CDKL2: variants seen among roughly 807,000 people sequenced by gnomAD.
CDKL2 encodes cyclin dependent kinase like 2, also known as cyclin-dependent kinase-like 2.
CDKL2 carries 64 observed loss-of-function variants against 63.9 expected under a neutral mutation model. The ratio of observed to expected loss-of-function variants is 1.00; its 90% confidence interval spans 0.82 to 1.23. The LOEUF (loss-of-function observed/expected upper bound fraction) is 1.23, where lower values mean the gene tolerates loss of function less well. CDKL2 is among the 50% of genes most tolerant of loss of function. The pLI is 0.00. For missense variants in CDKL2, 656 were observed against 668.0 expected, an observed-to-expected ratio of 0.98 and a Z score of 0.20; for synonymous variants, 211 against 229.2, an observed-to-expected ratio of 0.92 and a Z score of 0.72.
intron 3 of CDKL2, among the ~76,000 whole-genome samples, chr4:75,609,855 A>T (rs1729605696): frequency 6.6e-6 from 1 of 151,946 alleles, no homozygotes; most frequent in Admixed American, 6.6e-5. Context: ...ATTACCCTAG[A>T]TATCAGTGAT....
chr4:75,603,713 A>C (rs1002977280), intron 6 of CDKL2, 104 bp downstream of exon 6: 6,301 of 122,836 alleles, frequency 0.051, 20 homozygotes, highest in Non-Finnish European at 0.068. Flanking sequence ...AGACTCCATC[A>C]AAAAAAAAAA....
chr4:75,626,539 C>A (rs1459936892), intron 1 of CDKL2, among the ~76,000 whole-genome samples: 1 of 152,012 alleles, frequency 6.6e-6, no homozygotes, highest in Non-Finnish European at 1.5e-5. Flanking sequence ...TGGTGGCAGG[C>A]GCCTGTAGTC....
At chr4:75,595,122 T>C (rs1728858807) in intron 10 of CDKL2, among the ~76,000 whole-genome samples, 1 of 152,140 alleles carries the variant, frequency 6.6e-6, no homozygotes, top group African/African-American at 2.4e-5. Context: ...AAAAGAAAGA[T>C]TGACTTATTT....
chr4:75,601,854 C>T (rs574054538), intron 6 of CDKL2, among the ~76,000 whole-genome samples: 129 of 152,156 alleles, frequency 8.5e-4, no homozygotes, highest in African/African-American at 2.7e-3. Context: ...GCTTATTAAA[C>T]GTCATGAGTT....
Position 75,577,278 on chromosome 4 carries a change from T to C in CDKL2, c.*1924A>G, listed in dbSNP as rs1728063814. ...AAAAAAGGATCATTTTGGTTCAATA[T>C]CTATTATTGTTGATTATGTAATCTT... On this transcript the variant is annotated 3_prime_UTR_variant, in exon 14 of 14. Transcript: ENST00000307465. Among the ~76,000 whole-genome samples the C allele has an allele frequency of 1.3e-5, 2 of 152,162 alleles. No homozygotes were observed. The highest frequency in any genetic ancestry group is 2.9e-5 in the Non-Finnish European group (2 of 68,030).
rs1453927127 is a variant in CDKL2, at chr4:75,577,801, C to CTA, written c.*1399_*1400dup. On this transcript the variant is annotated 3_prime_UTR_variant, in exon 14 of 14. Coordinates refer to ENST00000307465, the MANE Select transcript of CDKL2 (RefSeq NM_001330724.2). ...AGACCAATTTTAATTTAACCACCAC[C>CTA]TATAGACTTGTACATTGAAACCCCT... 6.6e-6 allele frequency among the ~76,000 whole-genome samples: 1 copy of CTA among 152,122 alleles called. No individual in the cohort carries two copies. The highest frequency in any genetic ancestry group is 1.5e-5 in the Non-Finnish European group (1 of 68,012).
chr4:75,621,906 T>G (rs1398685493), intron 2 of CDKL2, among the ~76,000 whole-genome samples: 1 of 152,202 alleles, frequency 6.6e-6, no homozygotes, highest in Non-Finnish European at 1.5e-5. Context: ...TCCTAATAAC[T>G]GCTGACTGTG....
intron 3 of CDKL2, among the ~76,000 whole-genome samples, chr4:75,610,495 G>T (rs977312116): frequency 6.6e-6 from 1 of 152,020 alleles, no homozygotes; most frequent in Non-Finnish European, 1.5e-5. Context: ...TATGAAAAGG[G>T]TAGGCTCTGA....
chr4:75,591,374 T>A (rs1482875193), intron 12 of CDKL2, among the ~76,000 whole-genome samples: 1 of 152,166 alleles, frequency 6.6e-6, no homozygotes, highest in Non-Finnish European at 1.5e-5. Context: ...AGCAGAAGGA[T>A]CGCTTGAGGC....
At chr4:75,605,888 C>T (rs1343788012) in intron 4 of CDKL2, among the ~76,000 whole-genome samples, 1 of 151,886 alleles carries the variant, frequency 6.6e-6, no homozygotes, top group Non-Finnish European at 1.5e-5. Context: ...CTATAGTAAG[C>T]CTTAAATTAC....
In CDKL2 at chr4:75,629,954, A is replaced by G. The variant is rs1262519633; in HGVS notation, c.-30+88T>C. On this transcript the variant is annotated intron_variant, in intron 1 of 13. Coordinates refer to ENST00000307465, the MANE Select transcript of CDKL2 (RefSeq NM_001330724.2). ...ACTCCGTCTCAAAAAAAAAAAAAAA[A>G]AAAAAAAAAAAAAAAAAAAAAAAAG... 2.6e-3 allele frequency: 146 copies of G among 56,280 alleles called. 1 individual carries two copies. Among genetic ancestry groups the G allele is most frequent in the African/African-American group, 0.015 (143 of 9,230 alleles). The allele number at this position is 56,280 out of a possible 1,614,324, so 3.5% of individuals were successfully genotyped here.
intron 2 of CDKL2, 47 bp downstream of exon 2, chr4:75,625,774 A>C (rs985355460): frequency 4.9e-6 from 7 of 1,422,672 alleles, no homozygotes; most frequent in Admixed American, 4.3e-5. Flanking sequence ...TTGCCAAAAA[A>C]GAAACTTATA....
chr4:75,623,254 G>A (rs779953226), intron 2 of CDKL2, among the ~76,000 whole-genome samples: 5 of 152,108 alleles, frequency 3.3e-5, no homozygotes, highest in South Asian at 2.1e-4. Flanking sequence ...ACTGCAGCCC[G>A]GGTGATACAG....
chr4:75,588,309 C>T lies in CDKL2; in HGVS notation c.1647+3510G>A, dbSNP rs753241342. Reference sequence around the variant, plus strand: ...GTGAATTCCATTAATATTCAAGGAACAAATAACACCAACTTATTAAACTTT... The same window carrying T: ...GTGAATTCCATTAATATTCAAGGAATAAATAACACCAACTTATTAAACTTT... On this transcript the variant is annotated intron_variant, in intron 12 of 13. Transcript: ENST00000307465. 2.0e-5 allele frequency among the ~76,000 whole-genome samples: 3 copies of T among 151,468 alleles called. No individual in the cohort carries two copies. In the South Asian group the frequency reaches 6.2e-4, roughly 32 times the overall value.
In CDKL2 at chr4:75,627,720, A is replaced by ACTTCT. The variant is rs146233542; in HGVS notation, c.-29-1704_-29-1703insAGAAG. On this transcript the variant is annotated intron_variant, in intron 1 of 13. Coordinates refer to ENST00000307465, the MANE Select transcript of CDKL2 (RefSeq NM_001330724.2). ...CATCTTTCATAAAATATTTTTCTTT[A>ACTTCT]CTTTTTTTTTCTTTTTTTTTTTTTT... 3.0e-4 allele frequency among the ~76,000 whole-genome samples: 40 copies of ACTTCT among 133,224 alleles called. 1 individual carries two copies. The highest frequency in any genetic ancestry group is 1.0e-3 in the African/African-American group (38 of 36,340). The allele number at this position is 133,224 out of a possible 152,430, so 87.4% of individuals were successfully genotyped here.
Position 75,591,936 on chromosome 4 carries a change from A to G in CDKL2, c.1541-11T>C. ...GCCTGGAATTTCGAGCTAGATAGAAATGACCATAAACACAGTGAAAATATT... is the reference window on the plus strand; with the variant it reads ...GCCTGGAATTTCGAGCTAGATAGAAGTGACCATAAACACAGTGAAAATATT... On this transcript the variant is annotated splice_polypyrimidine_tract_variant and intron_variant, in intron 11 of 13. Coordinates refer to ENST00000307465, the MANE Select transcript of CDKL2 (RefSeq NM_001330724.2). The G allele has an allele frequency of 6.6e-7, 1 of 1,525,702 alleles. No individual in the cohort carries two copies. The highest frequency in any genetic ancestry group is 1.2e-5 in the South Asian group (1 of 83,828). The allele number at this position is 1,525,702 out of a possible 1,614,324, so 94.5% of individuals were successfully genotyped here.
In CDKL2 at chr4:75,605,325, C is replaced by T. The variant is rs183270538; in HGVS notation, c.655+197G>A. On this transcript the variant is annotated intron_variant, in intron 5 of 13. Transcript: ENST00000307465. Reference sequence around the variant, plus strand: ...CCGAGATTGCGCCATTGCACTCTAGCCTGGGCAAGGAGAGCGAAACTCCAT... The same window carrying T: ...CCGAGATTGCGCCATTGCACTCTAGTCTGGGCAAGGAGAGCGAAACTCCAT... 1.1e-4 allele frequency among the ~76,000 whole-genome samples: 16 copies of T among 151,830 alleles called. No homozygotes were observed. The East Asian group carries it at 2.7e-3, about 26-fold the overall frequency.
At chr4:75,600,214 T>C in intron 7 of CDKL2, 67 bp downstream of exon 7, 1 of 983,106 alleles carries the variant, frequency 1.0e-6, no homozygotes, top group Non-Finnish European at 1.6e-6. Context: ...AAGTGCTATT[T>C]GTGACTATTG....
intron 12 of CDKL2, among the ~76,000 whole-genome samples, chr4:75,587,686 G>A (rs963978118): frequency 9.3e-5 from 14 of 149,956 alleles, no homozygotes; most frequent in Admixed American, 2.7e-4. Flanking sequence ...GGCGGATCAC[G>A]AGATCAGGAG....
Sources: allele counts gnomAD v4.1 joint callset (sites outside exome capture counted in the v4.1 genomes callset), GRCh38; gene constraint gnomAD v4.1.1; transcripts MANE v1.5; gene names NCBI Gene and HGNC (gene_info 2026-07-23, HGNC 2026-07-21).